SV2C: variants seen among roughly 807,000 people sequenced by gnomAD.
The protein encoded by SV2C is synaptic vesicle glycoprotein 2C.
SV2C carries 49 observed loss-of-function variants against 79.7 expected under a neutral mutation model. The observed-to-expected ratio is 0.61, with a 90% CI of 0.49 to 0.78. The LOEUF is 0.78. SV2C is among the 30% of genes least tolerant of loss of function. SV2C has a pLI of 0.00. For synonymous variants in SV2C, 334 were observed against 333.2 expected, an observed-to-expected ratio of 1.00 and a Z score of -0.03; for missense variants, 833 against 912.9, an observed-to-expected ratio of 0.91 and a Z score of 1.13.
chr5:76,218,417 A>G (rs1413826236), intron 4 of SV2C, among the ~76,000 whole-genome samples: 1 of 152,234 alleles, frequency 6.6e-6, no homozygotes, highest in East Asian at 1.9e-4. Context: ...ATGGAATACT[A>G]TGCAGCCATA....
At chr5:75,869,227 C>T in the SV2C span, among the ~76,000 whole-genome samples, 1 of 152,076 alleles carries the variant, frequency 6.6e-6, no homozygotes, top group East Asian at 1.9e-4. Context: ...TCCTGATTGG[C>T]TCTTGGATGA....
chr5:75,891,570 A>G, the SV2C span, among the ~76,000 whole-genome samples: 4 of 152,276 alleles, frequency 2.6e-5, no homozygotes, highest in African/African-American at 9.6e-5. Context: ...TTTCTTTCCA[A>G]TAACATACTT....
At chr5:76,116,025 A>G (rs553389287) in intron 1 of SV2C, among the ~76,000 whole-genome samples, 1 of 152,348 alleles carries the variant, frequency 6.6e-6, no homozygotes, top group East Asian at 1.9e-4. Context: ...TCCTCTGCTC[A>G]GTCTCCTACC....
chr5:76,132,314 AGGATCT>A lies in SV2C; in HGVS notation c.569_574del (p.Ser190_Gly191del). The A allele has an allele frequency of 4.3e-6, 7 of 1,611,142 alleles. No homozygotes were observed. The highest frequency in any genetic ancestry group is 5.9e-6 in the Non-Finnish European group (7 of 1,178,114). ...AGACAGACCTCTGCATCCCAAATTC[AGGATCT>A]GGATGGCTAGGTGAGTGTGTGGTGT... On this transcript the variant is annotated inframe_deletion, in exon 2 of 13. Coordinates refer to ENST00000502798, the MANE Select transcript of SV2C (RefSeq NM_014979.4).
intron 2 of SV2C, chr5:76,174,111 G>T (rs1561249373): frequency 6.3e-7 from 1 of 1,598,220 alleles, no homozygotes; most frequent in East Asian, 2.2e-5. Context: ...AAAATTCCTT[G>T]AACAAATTGT....
At chr5:75,848,200 A>T in the SV2C span, among the ~76,000 whole-genome samples, 1 of 152,216 alleles carries the variant, frequency 6.6e-6, no homozygotes, top group African/African-American at 2.4e-5. Context: ...GTCCAGATGG[A>T]GTGTGGAACT....
At chr5:75,958,389 T>C in the SV2C span, among the ~76,000 whole-genome samples, 1 of 151,962 alleles carries the variant, frequency 6.6e-6, no homozygotes, top group African/African-American at 2.4e-5. Flanking sequence ...CATATGAAGT[T>C]CCCTAAATGT....
intron 1 of SV2C, among the ~76,000 whole-genome samples, chr5:76,084,886 C>A (rs1383722672): frequency 6.6e-6 from 1 of 151,794 alleles, no homozygotes; most frequent in Non-Finnish European, 1.5e-5. Flanking sequence ...CCTGGGCTGG[C>A]GGGCAGGCGG....
chr5:76,086,502 C>A (rs1247981812), intron 1 of SV2C, among the ~76,000 whole-genome samples: 1 of 152,188 alleles, frequency 6.6e-6, no homozygotes, highest in Non-Finnish European at 1.5e-5. Flanking sequence ...CTTCAATACA[C>A]CAGCGTATTT....
intron 1 of SV2C, among the ~76,000 whole-genome samples, chr5:76,086,477 A>G (rs369583446): frequency 4.3e-4 from 65 of 152,334 alleles, no homozygotes; most frequent in African/African-American, 1.5e-3. Context: ...CTGTGCAGCT[A>G]TATCAAGGGA....
chr5:76,079,620 G>T, upstream of SV2C: 1 of 345,490 alleles, frequency 2.9e-6, no homozygotes, highest in Non-Finnish European at 5.7e-6. Context: ...CAGGCAAACT[G>T]TGTCAATCTG....
intron 12 of SV2C, among the ~76,000 whole-genome samples, chr5:76,342,505 C>G (rs763892586): frequency 6.6e-6 from 1 of 152,220 alleles, no homozygotes; most frequent in Non-Finnish European, 1.5e-5. Context: ...TCTATACACA[C>G]AGGAAGGTAC....
chr5:76,067,311 C>CAT, the SV2C span, among the ~76,000 whole-genome samples: 1 of 151,598 alleles, frequency 6.6e-6, no homozygotes, highest in African/African-American at 2.4e-5. Flanking sequence ...CAAACTTTTT[C>CAT]ATATTTGTCA....
chr5:76,353,271 T>G (rs191328570), exon 13 of SV2C: 20 of 286,420 alleles, frequency 7.0e-5, no homozygotes, highest in African/African-American at 4.1e-4. Flanking sequence ...GGATTAAAAT[T>G]ACTTGAAATT....
At chr5:76,256,253 T>C (rs1016398253) in intron 4 of SV2C, among the ~76,000 whole-genome samples, 1 of 152,182 alleles carries the variant, frequency 6.6e-6, no homozygotes, top group Non-Finnish European at 1.5e-5. Flanking sequence ...AGCAATTGAC[T>C]TAGAATGCAG....
At chr5:76,231,705 G>A (rs1745429025) in intron 4 of SV2C, among the ~76,000 whole-genome samples, 1 of 142,936 alleles carries the variant, frequency 7.0e-6, no homozygotes, top group Non-Finnish European at 1.5e-5. Context: ...TTTTGTTCTT[G>A]TGATAGTTTA....
intron 4 of SV2C, among the ~76,000 whole-genome samples, chr5:76,258,733 CA>C (rs1746375427): frequency 6.6e-6 from 1 of 152,102 alleles, no homozygotes; most frequent in African/African-American, 2.4e-5. Flanking sequence ...GTGTACAGTT[CA>C]ATGGATTTTG....
At chr5:76,049,521 T>C in the SV2C span, among the ~76,000 whole-genome samples, 23 of 152,260 alleles carry the variant, frequency 1.5e-4, no homozygotes, top group Non-Finnish European at 3.1e-4. Context: ...GGGTGAATGA[T>C]GGTTGGCAGG....
the SV2C span, among the ~76,000 whole-genome samples, chr5:75,897,012 G>A: frequency 6.9e-6 from 1 of 145,298 alleles, no homozygotes; most frequent in African/African-American, 2.8e-5. Context: ...CTCCCATTTT[G>A]TAGGTTGCCT....
Sources: allele counts gnomAD v4.1 joint callset (sites outside exome capture counted in the v4.1 genomes callset), GRCh38; gene constraint gnomAD v4.1.1; transcripts MANE v1.5; gene names NCBI Gene and HGNC (gene_info 2026-07-23, HGNC 2026-07-21).